Variants in KMT2C observed in about 807,000 individuals in gnomAD.
KMT2C encodes the protein histone-lysine N-methyltransferase 2C.
Under a neutral mutation model 507.9 loss-of-function variants are expected in KMT2C, and 88 were observed. The ratio of observed to expected loss-of-function variants is 0.17; its 90% confidence interval spans 0.15 to 0.21. The LOEUF is 0.21. Among genes scored for constraint, KMT2C ranks in the 10% least tolerant of loss-of-function variants. The probability of loss-of-function intolerance (pLI) is 1.00; values close to 1 mark genes in which losing one functional copy is unlikely to be tolerated. For synonymous variants in KMT2C, 2,049 were observed against 2,080.8 expected, an observed-to-expected ratio of 0.98 and a Z score of 0.42; for missense variants, 4,954 against 5,957.8, an observed-to-expected ratio of 0.83 and a Z score of 5.55.
intron 1 of KMT2C, among the ~76,000 whole-genome samples, chr7:152,430,125 C>G (rs1209248367): frequency 6.6e-6 from 1 of 150,930 alleles, no homozygotes; most frequent in Non-Finnish European, 1.5e-5. Context: ...CCACAGTGAG[C>G]CAGGATCACG....
intron 1 of KMT2C, among the ~76,000 whole-genome samples, chr7:152,364,740 G>C (rs543500699): frequency 2.1e-4 from 32 of 151,636 alleles, no homozygotes; most frequent in African/African-American, 7.0e-4. Context: ...TCAAAATAAA[G>C]AACAGTATGA....
chr7:152,188,784 AT>A (rs1311367526), intron 31 of KMT2C, among the ~76,000 whole-genome samples: 2 of 151,640 alleles, frequency 1.3e-5, no homozygotes, highest in Non-Finnish European at 2.9e-5. Flanking sequence ...TAATTTTTGT[AT>A]TTTTAGTGGA....
At chr7:152,142,757 T>C (rs2090711285) in intron 55 of KMT2C, among the ~76,000 whole-genome samples, 8 of 152,152 alleles carry the variant, frequency 5.3e-5, no homozygotes, top group Admixed American at 5.2e-4. Context: ...TTCAAAAGAA[T>C]GAAATGAAGC....
chr7:152,179,712 T>C (rs958757447), intron 37 of KMT2C, 122 bp downstream of exon 37: 1 of 725,464 alleles, frequency 1.4e-6, no homozygotes, highest in Non-Finnish European at 2.2e-6. Flanking sequence ...CTCAAACTCC[T>C]AGCCTCAAGC....
intron 1 of KMT2C, among the ~76,000 whole-genome samples, chr7:152,372,245 T>G (rs558319324): frequency 9.2e-5 from 14 of 152,218 alleles, no homozygotes; most frequent in South Asian, 4.1e-4. Flanking sequence ...AACCTCCACC[T>G]CCTGGGTTCA....
intron 9 of KMT2C, among the ~76,000 whole-genome samples, chr7:152,255,109 T>TTATGTATATATATATATATATA (rs1554583517): frequency 1.3e-5 from 1 of 78,344 alleles, no homozygotes; most frequent in Non-Finnish European, 2.7e-5. Context: ...CAACTCTCAC[T>TTATGTATATATATATATATATA]TATATATATA....
At chr7:152,191,248 C>T (rs942366849) in intron 31 of KMT2C, among the ~76,000 whole-genome samples, 9 of 152,130 alleles carry the variant, frequency 5.9e-5, no homozygotes, top group African/African-American at 2.2e-4. Context: ...GTGTATATGT[C>T]CCATTTCTAC....
chr7:152,194,720 G>GGA (rs1681251747), intron 28 of KMT2C, 152 bp from the exon 29 acceptor site: 2 of 511,314 alleles, frequency 3.9e-6, no homozygotes, highest in African/African-American at 3.8e-5. Flanking sequence ...ATATCAATTT[G>GGA]GAGAGTCGCT....
chr7:152,145,504 T>A (rs2091019959), intron 53 of KMT2C, among the ~76,000 whole-genome samples: 1 of 152,222 alleles, frequency 6.6e-6, no homozygotes, highest in African/African-American at 2.4e-5. Context: ...AAGCCAAACT[T>A]AGGTAAACCC....
chr7:152,244,678 A>G (rs1457163338), intron 14 of KMT2C, among the ~76,000 whole-genome samples: 2 of 152,180 alleles, frequency 1.3e-5, no homozygotes, highest in Non-Finnish European at 2.9e-5. Flanking sequence ...CTACCTTATC[A>G]TGTCTAATTT....
At chr7:152,154,593 C>A in intron 46 of KMT2C, 148 bp from the exon 47 acceptor site, 1 of 603,632 alleles carries the variant, frequency 1.7e-6, no homozygotes, top group Non-Finnish European at 2.9e-6. Context: ...AGCTCAGAGC[C>A]ACACTGGGAA....
At position 152,230,333 on chromosome 7, in the gene KMT2C, A is replaced by C. The variant is rs762313227; in HGVS notation, c.2770-12T>G. 2 of 1,225,658 alleles carry C rather than the reference A, an allele frequency of 1.6e-6. No individual in the cohort carries two copies. Among genetic ancestry groups the C allele is most frequent in the South Asian group, 2.6e-5 (2 of 75,780 alleles). 75.9% of individuals were successfully genotyped at this position (1,225,658 alleles called of 1,614,324 possible). A position where few individuals can be genotyped will look rare whatever the true frequency, so the allele number is the denominator to read the frequency against. ...TCTGCAGTAGACACCTATAAAAAGC[A>C]AAATACACAGAATACGAAGTTATAT... On this transcript the variant is annotated splice_polypyrimidine_tract_variant and intron_variant, in intron 16 of 58. Coordinates refer to ENST00000262189, the MANE Select transcript of KMT2C (RefSeq NM_170606.3).
intron 5 of KMT2C, among the ~76,000 whole-genome samples, chr7:152,310,646 A>C (rs1350708679): frequency 1.3e-5 from 2 of 152,068 alleles, no homozygotes; most frequent in Admixed American, 6.6e-5. Flanking sequence ...GGGGCCCAGC[A>C]ATCTGTGTTT....
At chr7:152,286,326 A>T in intron 6 of KMT2C, among the ~76,000 whole-genome samples, 1 of 152,430 alleles carries the variant, frequency 6.6e-6, no homozygotes, top group Non-Finnish European at 1.5e-5. Flanking sequence ...GCAACCCCCA[A>T]GCAGGATGAA....
At chr7:152,190,790 CT>C (rs1371831290) in intron 31 of KMT2C, among the ~76,000 whole-genome samples, 1 of 152,154 alleles carries the variant, frequency 6.6e-6, no homozygotes, top group Non-Finnish European at 1.5e-5. Context: ...ACATATTACA[CT>C]TTGCCTCCCC....
At chr7:152,145,105 T>C (rs1472346452) in intron 54 of KMT2C, 48 bp downstream of exon 54, 2 of 1,587,208 alleles carry the variant, frequency 1.3e-6, no homozygotes, top group Non-Finnish European at 1.7e-6. Flanking sequence ...AAACCACTAA[T>C]ACGCCTAGAA....
chr7:152,148,693 A>G lies in KMT2C; in HGVS notation c.13234T>C (p.Leu4412=), dbSNP rs2129095494. The change falls in exon 52 of 59, where the codon TTG becomes CTG. Residue 4412 remains leucine, a synonymous_variant. Transcript: ENST00000262189. This position sits in a 1 kb window ranked among gnomAD's most constrained non-coding sequence, Gnocchi z 7.1. ...AGTAGCCTTGCTGGTCCATCTGTCA[A>G]TCCATCACCTTCTTCATGACAAAAG... ...CCFCHEEGDG[L]TDGPARLLNL... is the part of the protein sequence containing the mutation. 6.2e-7 allele frequency: 1 copy of G among 1,614,174 alleles called. No individual in the cohort carries two copies. Among genetic ancestry groups the G allele is most frequent in the Non-Finnish European group, 8.5e-7 (1 of 1,180,040 alleles).
chr7:152,281,472 A>G (rs2096206886), intron 6 of KMT2C, among the ~76,000 whole-genome samples: 1 of 152,168 alleles, frequency 6.6e-6, no homozygotes, highest in Admixed American at 6.5e-5. Flanking sequence ...TGGCTCACGC[A>G]TGTAATCCCA....
At chr7:152,173,504 T>C (rs1033599015) in intron 39 of KMT2C, among the ~76,000 whole-genome samples, 1 of 152,216 alleles carries the variant, frequency 6.6e-6, no homozygotes, top group African/African-American at 2.4e-5. Context: ...ATAATTCTCA[T>C]GGTGGTCCAT....
Sources: allele counts gnomAD v4.1 joint callset (sites outside exome capture counted in the v4.1 genomes callset), GRCh38; gene constraint gnomAD v4.1.1; non-coding constraint Gnocchi (gnomAD v3.1); transcripts MANE v1.5; gene names NCBI Gene and HGNC (gene_info 2026-07-23, HGNC 2026-07-21).